Variants in UBE3D observed in about 807,000 individuals in gnomAD.
The protein encoded by UBE3D is ubiquitin protein ligase E3D, also known as E3 ubiquitin-protein ligase E3D.
In UBE3D, 48 loss-of-function variants were observed where a neutral mutation model predicts 49.6. The observed-to-expected ratio is 0.97, with a 90% CI of 0.77 to 1.23. The LOEUF is 1.23. Ranked by LOEUF, UBE3D falls within the 50% of genes most tolerant of loss-of-function variation. The pLI is 0.00. For missense variants in UBE3D, 452 were observed against 468.4 expected (o/e 0.96, Z 0.32); for synonymous variants, 189 against 174.2 (o/e 1.08, Z -0.67).
At chr6:83,015,882 C>T (rs1401181095) in intron 8 of UBE3D, among the ~76,000 whole-genome samples, 4 of 152,268 alleles carry the variant, frequency 2.6e-5, no homozygotes, top group South Asian at 2.1e-4. Flanking sequence ...ATTGCCACTA[C>T]TGGGGGTAGG....
At chr6:83,055,587 G>A (rs915558957) in intron 2 of UBE3D, among the ~76,000 whole-genome samples, 1 of 152,142 alleles carries the variant, frequency 6.6e-6, no homozygotes, top group Non-Finnish European at 1.5e-5. Context: ...GCACTGGGTC[G>A]GGTTTAAAAT....
intron 3 of UBE3D, chr6:83,049,682 C>G: frequency 2.2e-6 from 1 of 457,698 alleles, no homozygotes; most frequent in South Asian, 1.6e-5. Context: ...CTCATGAGAT[C>G]TAGGCTGACA....
chr6:82,989,566 T>C (rs1384509178), intron 8 of UBE3D, among the ~76,000 whole-genome samples: 1 of 152,148 alleles, frequency 6.6e-6, no homozygotes, highest in East Asian at 1.9e-4. Context: ...TACTGTACCA[T>C]GGCAAATGCA....
intron 8 of UBE3D, among the ~76,000 whole-genome samples, chr6:82,966,112 T>C (rs1024213167): frequency 3.3e-5 from 5 of 152,200 alleles, no homozygotes; most frequent in Non-Finnish European, 7.3e-5. Context: ...ATAAGATCCA[T>C]ATATTGCAAC....
At chr6:83,055,034 T>TTTA (rs1323389583) in intron 2 of UBE3D, among the ~76,000 whole-genome samples, 3 of 152,210 alleles carry the variant, frequency 2.0e-5, no homozygotes, top group East Asian at 1.9e-4. Context: ...CAAACTAATG[T>TTTA]TTATTGGACA....
chr6:82,983,411 A>G (rs1318839862), intron 8 of UBE3D, among the ~76,000 whole-genome samples: 1 of 152,002 alleles, frequency 6.6e-6, no homozygotes, highest in Non-Finnish European at 1.5e-5. Context: ...AGATCTACCC[A>G]CTTCTGGTTG....
intron 8 of UBE3D, among the ~76,000 whole-genome samples, chr6:82,973,408 G>C (rs1212911691): frequency 2.0e-5 from 3 of 152,074 alleles, no homozygotes; most frequent in Non-Finnish European, 4.4e-5. Context: ...GCACTAAAAG[G>C]CATCTCCTCC....
chr6:82,984,817 T>G (rs1422512533), intron 8 of UBE3D, among the ~76,000 whole-genome samples: 1 of 152,024 alleles, frequency 6.6e-6, no homozygotes, highest in Non-Finnish European at 1.5e-5. Flanking sequence ...ATTGTTGTTA[T>G]GTTTATTTAT....
intron 9 of UBE3D, among the ~76,000 whole-genome samples, chr6:82,955,772 C>T (rs1164500658): frequency 6.6e-6 from 1 of 152,178 alleles, no homozygotes; most frequent in African/African-American, 2.4e-5. Flanking sequence ...CAGTTGGTGG[C>T]AGATGGAGTA....
At position 82,892,939 on chromosome 6, in the gene UBE3D, T is replaced by G; in HGVS notation, c.*83A>C. 3 of 1,494,884 alleles carry G rather than the reference T, an allele frequency of 2.0e-6. No homozygotes were observed. Among genetic ancestry groups the G allele is most frequent in the African/African-American group, 1.4e-5 (1 of 72,576 alleles). The allele number at this position is 1,494,884 out of a possible 1,614,324, so 92.6% of individuals were successfully genotyped here. On this transcript the variant is annotated 3_prime_UTR_variant, in exon 10 of 10. Coordinates refer to ENST00000369747, the MANE Select transcript of UBE3D (RefSeq NM_198920.3). ...CTCTGGTTCTTGTCTTTGTAATTGA[T>G]GCCTCCTGAGCTGACTGCTGGCCTC...
intron 3 of UBE3D, among the ~76,000 whole-genome samples, chr6:83,047,652 C>T (rs1783156795): frequency 6.6e-6 from 1 of 152,188 alleles, no homozygotes; most frequent in Non-Finnish European, 1.5e-5. Flanking sequence ...TGTGAGTCCA[C>T]ATGTTTAGTT....
chr6:83,055,136 C>A (rs1783734114), intron 2 of UBE3D, among the ~76,000 whole-genome samples: 2 of 58,676 alleles, frequency 3.4e-5, no homozygotes, highest in South Asian at 1.2e-3. Context: ...ACGTTGAAAG[C>A]TGTGGGGAAA....
At chr6:82,993,020 CAG>C (rs983280817) in intron 8 of UBE3D, among the ~76,000 whole-genome samples, 2 of 151,788 alleles carry the variant, frequency 1.3e-5, no homozygotes, top group African/African-American at 2.4e-5. Flanking sequence ...CCACCTAACA[CAG>C]TATCAGTTAG....
intron 8 of UBE3D, among the ~76,000 whole-genome samples, chr6:82,982,907 T>C (rs1458231994): frequency 6.6e-6 from 1 of 152,198 alleles, no homozygotes; most frequent in Non-Finnish European, 1.5e-5. Context: ...GATAAATGTT[T>C]GATTTTCTCC....
chr6:83,058,027 T>C lies in UBE3D; in HGVS notation c.78-5A>G. On this transcript the variant is annotated splice_region_variant and splice_polypyrimidine_tract_variant and intron_variant, in intron 1 of 9. Coordinates refer to ENST00000369747, the MANE Select transcript of UBE3D (RefSeq NM_198920.3). The stretch of plus-strand genomic sequence containing the variant: ...ATACCTCCTTCTTTCGGTTCTCTGG[T>C]AATTAAAAACAAAACCCAAACAAAT... 6.2e-7 allele frequency: 1 copy of C among 1,613,474 alleles called. No individual in the cohort carries two copies. The highest frequency in any genetic ancestry group is 8.5e-7 in the Non-Finnish European group (1 of 1,179,858).
At chr6:82,889,655 T>C (rs1770946027), downstream of UBE3D, among the ~76,000 whole-genome samples, 1 of 152,134 alleles carries the variant, frequency 6.6e-6, no homozygotes, top group African/African-American at 2.4e-5. Context: ...TCTTAACCCA[T>C]CTTTGTCTTA....
At chr6:83,051,604 G>A (rs1783473455) in intron 3 of UBE3D, among the ~76,000 whole-genome samples, 1 of 152,132 alleles carries the variant, frequency 6.6e-6, no homozygotes, top group African/African-American at 2.4e-5. Flanking sequence ...CTTCTTCTGA[G>A]AATTCAACCA....
chr6:82,959,142 C>T (rs763455004), intron 8 of UBE3D, among the ~76,000 whole-genome samples: 1 of 151,800 alleles, frequency 6.6e-6, no homozygotes. Context: ...AAAAGACAAA[C>T]CATGTCCTCT....
the UBE3D span, among the ~76,000 whole-genome samples, chr6:82,884,779 C>T: frequency 2.6e-5 from 4 of 152,202 alleles, no homozygotes; most frequent in Admixed American, 2.0e-4. Flanking sequence ...TGGGGAAATA[C>T]GAATGGAAGG....
Sources: gnomAD v4.1 joint callset for allele counts (sites outside exome capture counted in the v4.1 genomes callset) on GRCh38, gnomAD v4.1.1 for gene constraint, MANE v1.5 for transcripts, NCBI Gene and HGNC (gene_info 2026-07-23, HGNC 2026-07-21) for gene names.